The following MCTP2 variants were observed in gnomAD, a reference collection of about 807,000 sequenced individuals.
MCTP2 encodes the protein multiple C2 and transmembrane domain containing 2.
In MCTP2, 132 loss-of-function variants were observed where a neutral mutation model predicts 111.6. The ratio of observed to expected loss-of-function variants is 1.18; its 90% confidence interval spans 1.03 to 1.37. The LOEUF (loss-of-function observed/expected upper bound fraction) is 1.37. MCTP2 is among the 40% of genes most tolerant of loss of function. The pLI is 0.00. For missense variants in MCTP2, 1,183 were observed against 1,067.9 expected (o/e 1.11, Z -1.50); for synonymous variants, 395 against 387.7 (o/e 1.02, Z -0.22).
In MCTP2 at chr15:94,479,003, G is replaced by C. The variant is rs1207594911; in HGVS notation, c.2606G>C (p.Ser869Thr). The C allele has an allele frequency of 6.2e-7, 1 of 1,613,960 alleles. No homozygotes were observed. The highest frequency in any genetic ancestry group is 1.3e-5 in the African/African-American group (1 of 74,930). Residue 869 changes from serine (S) to threonine (T), a missense_variant, in exon 23 of 23, where the codon AGC becomes ACC. Coordinates refer to ENST00000357742, the MANE Select transcript of MCTP2 (RefSeq NM_001385001.1). ...YAELKLCSSH[S>T]PLRKKRSAL ...GAATTGAAACTCTGCAGCAGCCACA[G>C]CCCCCTGCGGAAGAAGCGCAGCGCT...
chr15:94,339,896 A>G (rs930466321), intron 5 of MCTP2, among the ~76,000 whole-genome samples: 1 of 152,242 alleles, frequency 6.6e-6, no homozygotes, highest in Non-Finnish European at 1.5e-5. Flanking sequence ...ACTAAATTTT[A>G]ATGACAGACT....
intron 14 of MCTP2, among the ~76,000 whole-genome samples, chr15:94,389,784 C>T (rs1185763708): frequency 6.6e-6 from 1 of 151,822 alleles, no homozygotes; most frequent in African/African-American, 2.4e-5. Context: ...AATTCATTTT[C>T]TCTAATCAAG....
At chr15:94,443,642 A>C (rs1316453844) in intron 19 of MCTP2, among the ~76,000 whole-genome samples, 1 of 152,166 alleles carries the variant, frequency 6.6e-6, no homozygotes, top group African/African-American at 2.4e-5. Context: ...TATCCAGTGT[A>C]AATGCCCATT....
At chr15:94,356,728 C>CA (rs1362375803) in intron 9 of MCTP2, among the ~76,000 whole-genome samples, 1 of 151,794 alleles carries the variant, frequency 6.6e-6, no homozygotes, top group Non-Finnish European at 1.5e-5. Context: ...GTCTTCACGC[C>CA]AAAAATAGTA....
At chr15:94,430,577 CAAAA>C (rs11289166) in intron 17 of MCTP2, among the ~76,000 whole-genome samples, 5 of 96,690 alleles carry the variant, frequency 5.2e-5, no homozygotes, top group African/African-American at 1.7e-4. Context: ...ACTAAAAATA[CAAAA>C]AAAAAAAAAA....
chr15:94,301,363 T>C (rs115834386), intron 2 of MCTP2, among the ~76,000 whole-genome samples: 2,472 of 152,256 alleles, frequency 0.016, 69 homozygotes, highest in African/African-American at 0.056. Flanking sequence ...CCTGTTTGAG[T>C]TGGGCCTGTC....
intron 1 of MCTP2, among the ~76,000 whole-genome samples, chr15:94,245,728 A>G (rs146041813): frequency 2.7e-5 from 4 of 148,448 alleles, no homozygotes; most frequent in South Asian, 2.1e-4. Context: ...ATATATATAT[A>G]TATATATCTA....
At chr15:94,285,054 G>A (rs1239382294) in intron 1 of MCTP2, among the ~76,000 whole-genome samples, 1 of 152,102 alleles carries the variant, frequency 6.6e-6, no homozygotes, top group Non-Finnish European at 1.5e-5. Context: ...TCCTCCTACA[G>A]CTATGATTTA....
chr15:94,324,335 C>G (rs570083775), intron 4 of MCTP2, among the ~76,000 whole-genome samples: 1 of 152,356 alleles, frequency 6.6e-6, no homozygotes, highest in African/African-American at 2.4e-5. Flanking sequence ...AAACCCTGTG[C>G]TTTGCTGTAA....
At position 94,430,393 on chromosome 15, in the gene MCTP2, TCACACACACACACACACACA is replaced by T. The variant is rs35129445; in HGVS notation, c.2086-9751_2086-9732del. 8.1e-4 allele frequency among the ~76,000 whole-genome samples: 87 copies of T among 107,198 alleles called. 1 individual carries two copies. Among genetic ancestry groups the T allele is most frequent in the African/African-American group, 1.7e-3 (45 of 26,980 alleles). 70.3% of individuals were successfully genotyped at this position (107,198 alleles called of 152,430 possible). The stretch of plus-strand genomic sequence containing the variant: ...ACAAACAAAAAAAACCCAAAAACAA[TCACACACACACACACACACA>T]CACACACACACACACACACACACAC... On this transcript the variant is annotated intron_variant, in intron 17 of 22. Transcript: ENST00000357742.
chr15:94,390,092 A>ATATATATATATATATATATATATATG (rs2080835152), intron 14 of MCTP2, among the ~76,000 whole-genome samples: 1 of 11,898 alleles, frequency 8.4e-5, no homozygotes. Flanking sequence ...ATATATATGT[A>ATATATATATATATATATATATATATG]TATATATATA....
intron 20 of MCTP2, among the ~76,000 whole-genome samples, chr15:94,466,297 C>CTATATTCCTTGGATTTTCATG (rs2073289893): frequency 6.6e-6 from 1 of 152,020 alleles, no homozygotes; most frequent in Non-Finnish European, 1.5e-5. Context: ...AAGAATACAC[C>CTATATTCCTTGGATTTTCATG]TATATTCCTT....
At chr15:94,239,482 C>A (rs747107352) in intron 1 of MCTP2, among the ~76,000 whole-genome samples, 2 of 152,152 alleles carry the variant, frequency 1.3e-5, no homozygotes, top group Non-Finnish European at 2.9e-5. Context: ...TTGAAGACTT[C>A]TTGTTTGTTG....
intron 1 of MCTP2, among the ~76,000 whole-genome samples, chr15:94,290,047 C>G (rs997643781): frequency 6.6e-5 from 10 of 151,998 alleles, no homozygotes; most frequent in African/African-American, 2.2e-4. Context: ...AAGATCAGTC[C>G]TTAGCTGACT....
rs2075561900 is a variant in MCTP2, at chr15:94,300,561, T to A, written c.465+1831T>A. Among the ~76,000 whole-genome samples, 6 of 151,946 alleles carry A rather than the reference T, an allele frequency of 3.9e-5. No individual in the cohort carries two copies. The South Asian group carries it at 1.2e-3, about 32-fold the overall frequency. ...GTCTTTGTTGATTAAACAGAAATATTTGAATGCTACTCTAGGCCAGGCAGT... is the reference window on the plus strand; with the variant it reads ...GTCTTTGTTGATTAAACAGAAATATATGAATGCTACTCTAGGCCAGGCAGT... On this transcript the variant is annotated intron_variant, in intron 2 of 22. Transcript: ENST00000357742.
chr15:94,390,088 A>T (rs7175489), intron 14 of MCTP2, among the ~76,000 whole-genome samples: 2 of 10,888 alleles, frequency 1.8e-4, no homozygotes, highest in Non-Finnish European at 3.1e-4. Context: ...ATATATATAT[A>T]TGTATATATA....
intron 17 of MCTP2, among the ~76,000 whole-genome samples, chr15:94,435,005 A>G (rs554003954): frequency 5.5e-4 from 83 of 152,150 alleles, no homozygotes; most frequent in African/African-American, 1.6e-3. Context: ...CTGGGATTAC[A>G]GGCACATGCC....
rs981416243 is a variant in MCTP2, at chr15:94,365,337, AT to A, written c.1302-2263del. On this transcript the variant is annotated intron_variant, in intron 10 of 22. Coordinates refer to ENST00000357742, the MANE Select transcript of MCTP2 (RefSeq NM_001385001.1). ...TCTAATATCTAAACTACAAATGGCT[AT>A]TTTTCATGAAAGTGTTCATTCTAGT... 8.2e-4 allele frequency among the ~76,000 whole-genome samples: 125 copies of A among 152,282 alleles called. 1 individual carries two copies. The highest frequency in any genetic ancestry group is 2.8e-3 in the African/African-American group (117 of 41,562).
At chr15:94,335,342 A>T (rs1250550822) in intron 4 of MCTP2, among the ~76,000 whole-genome samples, 2 of 152,248 alleles carry the variant, frequency 1.3e-5, no homozygotes, top group African/African-American at 4.8e-5. Flanking sequence ...TTAATTTAAA[A>T]TTTTGTACGA....
Sources: gnomAD v4.1 joint callset for allele counts (sites outside exome capture counted in the v4.1 genomes callset) on GRCh38, gnomAD v4.1.1 for gene constraint, MANE v1.5 for transcripts, NCBI Gene and HGNC (gene_info 2026-07-23, HGNC 2026-07-21) for gene names.